Variants in ROBO2 observed in about 807,000 individuals in gnomAD.
ROBO2 encodes the protein roundabout homolog 2.
ROBO2 carries 53 observed loss-of-function variants against 160.8 expected under a neutral mutation model. The ratio of observed to expected loss-of-function variants is 0.33; its 90% CI spans 0.26 to 0.41. The LOEUF is 0.41. Among genes scored for constraint, ROBO2 ranks in the 10% least tolerant of loss-of-function variants. The probability of loss-of-function intolerance (pLI) is 1.00; values close to 1 mark genes in which losing one functional copy is unlikely to be tolerated. For synonymous variants in ROBO2, 664 were observed against 611.7 expected (o/e 1.09, Z -1.26); for missense variants, 1,577 against 1,722.4 (o/e 0.92, Z 1.49).
At chr3:76,768,036 C>T (rs2061668816) in intron 2 of ROBO2, among the ~76,000 whole-genome samples, 1 of 151,402 alleles carries the variant, frequency 6.6e-6, no homozygotes, top group Non-Finnish European at 1.5e-5. Context: ...CCAATTGGCA[C>T]TGATACAATA....
At chr3:77,398,443 T>A (rs983806142) in intron 2 of ROBO2, among the ~76,000 whole-genome samples, 1 of 152,056 alleles carries the variant, frequency 6.6e-6, no homozygotes, top group Non-Finnish European at 1.5e-5. Flanking sequence ...GGAGACTGAA[T>A]GTAGTAGAAT....
At chr3:77,433,538 T>G (rs1230838665) in intron 2 of ROBO2, among the ~76,000 whole-genome samples, 1 of 123,856 alleles carries the variant, frequency 8.1e-6, no homozygotes, top group Admixed American at 8.1e-5. Flanking sequence ...CATCTAATCT[T>G]TAAACAACTG....
chr3:75,964,448 A>T (rs1949033924), intron 2 of ROBO2, among the ~76,000 whole-genome samples: 2 of 151,546 alleles, frequency 1.3e-5, no homozygotes, highest in South Asian at 4.1e-4. Flanking sequence ...GATTTTTCTG[A>T]CTATGGTTCA....
intron 2 of ROBO2, among the ~76,000 whole-genome samples, chr3:76,225,041 T>C (rs942546821): frequency 6.6e-6 from 1 of 152,172 alleles, no homozygotes; most frequent in African/African-American, 2.4e-5. Context: ...GTAACTATAC[T>C]TCTTAATATA....
chr3:77,050,560 T>A (rs2065115862), intron 1 of ROBO2, among the ~76,000 whole-genome samples: 1 of 69,346 alleles, frequency 1.4e-5, no homozygotes. Context: ...CAGTCTTTGC[T>A]TTTGTGTGTT....
intron 2 of ROBO2, among the ~76,000 whole-genome samples, chr3:76,350,994 T>C (rs2074838057): frequency 6.6e-6 from 1 of 152,006 alleles, no homozygotes. Context: ...AGTATTTTAT[T>C]ATGAATTGGT....
chr3:76,373,969 C>G lies in ROBO2; in HGVS notation c.109+436367C>G, dbSNP rs182998050. ...TAATGAAGGTGGCTATACCATGTCT[C>G]TCATCATCCAACAGTCTAGGGAGAG... On this transcript the variant is annotated intron_variant, in intron 2 of 26. Transcript: ENST00000487694. 1.0e-3 allele frequency among the ~76,000 whole-genome samples: 155 copies of G among 152,072 alleles called. 2 individuals carry two copies. Among genetic ancestry groups the G allele is most frequent in the African/African-American group, 2.9e-3 (119 of 41,528 alleles).
intron 2 of ROBO2, among the ~76,000 whole-genome samples, chr3:76,297,322 C>A (rs1321686864): frequency 6.6e-6 from 1 of 152,134 alleles, no homozygotes; most frequent in African/African-American, 2.4e-5. Context: ...GGAGAAGCTG[C>A]CAATCTTACA....
intron 2 of ROBO2, among the ~76,000 whole-genome samples, chr3:76,171,471 A>G (rs1205785938): frequency 1.3e-5 from 2 of 151,804 alleles, no homozygotes; most frequent in East Asian, 3.9e-4. Context: ...TTTTTCCTTT[A>G]TGTCTTTAAA....
intron 1 of ROBO2, among the ~76,000 whole-genome samples, chr3:75,915,925 A>G (rs9870181): frequency 0.12 from 18,162 of 152,206 alleles, 3,495 homozygotes; most frequent in African/African-American, 0.4. Flanking sequence ...TCTAAATATT[A>G]AGTAAATAAA....
intron 2 of ROBO2, among the ~76,000 whole-genome samples, chr3:76,100,006 G>A (rs560092172): frequency 2.6e-5 from 4 of 152,192 alleles, no homozygotes; most frequent in Non-Finnish European, 5.9e-5. Flanking sequence ...TCCAGATAGC[G>A]TGGATCTGCA....
At chr3:77,343,682 C>A (rs867060968) in intron 2 of ROBO2, among the ~76,000 whole-genome samples, 12 of 152,088 alleles carry the variant, frequency 7.9e-5, no homozygotes, top group South Asian at 6.2e-4. Context: ...TCTTGACATA[C>A]AAATGAAGCA....
chr3:76,002,665 T>C (rs2065920798), intron 2 of ROBO2, among the ~76,000 whole-genome samples: 1 of 152,176 alleles, frequency 6.6e-6, no homozygotes, highest in East Asian at 1.9e-4. Context: ...TAAACCTCTT[T>C]TTCTGTATAA....
At chr3:77,196,033 A>T (rs2082277942) in intron 2 of ROBO2, among the ~76,000 whole-genome samples, 2 of 152,176 alleles carry the variant, frequency 1.3e-5, no homozygotes. Flanking sequence ...AGGGGGCATC[A>T]TCTGCTGTTA....
intron 2 of ROBO2, among the ~76,000 whole-genome samples, chr3:76,883,642 C>T (rs531233651): frequency 5.3e-5 from 8 of 152,150 alleles, no homozygotes; most frequent in African/African-American, 1.4e-4. Context: ...TATTTCATGC[C>T]GTATGATCTA....
intron 2 of ROBO2, among the ~76,000 whole-genome samples, chr3:76,262,206 A>G (rs1245044603): frequency 1.3e-5 from 2 of 152,158 alleles, no homozygotes; most frequent in Admixed American, 1.3e-4. Context: ...AGCTAAATCC[A>G]GAACATTTAA....
chr3:76,018,349 G>T lies in ROBO2; in HGVS notation c.109+80747G>T, dbSNP rs534401410. On this transcript the variant is annotated intron_variant, in intron 2 of 26. Coordinates refer to the ROBO2 transcript ENST00000487694. Reference sequence around the variant, plus strand: ...AAGGATTAATAGTTTAATATTGAGAGTAGATTAGACACACACATATTAAGT... The same window carrying T: ...AAGGATTAATAGTTTAATATTGAGATTAGATTAGACACACACATATTAAGT... 3.9e-5 allele frequency among the ~76,000 whole-genome samples: 6 copies of T among 151,986 alleles called. No homozygotes were observed. In the South Asian group the frequency reaches 1.2e-3, roughly 32 times the overall value.
chr3:76,654,417 G>A lies in ROBO2; in HGVS notation c.110-443597G>A, dbSNP rs79348010. Among the ~76,000 whole-genome samples the A allele has an allele frequency of 1.5e-3, 234 of 152,118 alleles. 2 individuals are homozygous for A. Among genetic ancestry groups the A allele is most frequent in the African/African-American group, 5.1e-3 (213 of 41,508 alleles). On this transcript the variant is annotated intron_variant, in intron 2 of 26. Transcript: ENST00000487694. ...ACTTGAAGATAAGAATCTTGTATTC[G>A]GTGAAGGTAAAACATACTGTTATTA... is the stretch of plus-strand genomic sequence containing the variant.
intron 2 of ROBO2, among the ~76,000 whole-genome samples, chr3:76,981,615 T>C (rs917229993): frequency 1.3e-5 from 2 of 152,200 alleles, no homozygotes; most frequent in African/African-American, 4.8e-5. Context: ...ATTTTTACTC[T>C]CTTCACAATA....
Sources: allele counts gnomAD v4.1 joint callset (sites outside exome capture counted in the v4.1 genomes callset), GRCh38; gene constraint gnomAD v4.1.1; transcripts MANE v1.5; gene names NCBI Gene and HGNC (gene_info 2026-07-23, HGNC 2026-07-21).